The following SCHIP1 variants were observed in gnomAD, a reference collection of about 807,000 sequenced individuals.
SCHIP1 encodes schwannomin interacting protein 1.
In SCHIP1, 8 loss-of-function variants were observed where a neutral mutation model predicts 29.7. The ratio of observed to expected loss-of-function variants is 0.27; its 90% CI spans 0.16 to 0.49. The LOEUF (loss-of-function observed/expected upper bound fraction) is 0.49, where lower values mean the gene tolerates loss of function less well. Among genes scored for constraint, SCHIP1 ranks in the 20% least tolerant of loss-of-function variants. The pLI, the probability that SCHIP1 is intolerant of heterozygous loss-of-function variation, is 0.99. For missense variants in SCHIP1, 193 were observed against 294.6 expected (o/e 0.66, Z 2.52); for synonymous variants, 76 against 94.9 (o/e 0.80, Z 1.16).
the SCHIP1 span, among the ~76,000 whole-genome samples, chr3:159,461,569 A>C: frequency 2.0e-5 from 3 of 151,810 alleles, no homozygotes; most frequent in Admixed American, 6.6e-5. Context: ...TATATATACC[A>C]GACTCTTTTT....
At chr3:159,511,434 G>A in the SCHIP1 span, among the ~76,000 whole-genome samples, 5 of 152,106 alleles carry the variant, frequency 3.3e-5, no homozygotes, top group African/African-American at 1.2e-4. Flanking sequence ...GCAATGCCTC[G>A]CCCTGCTTCA....
At chr3:159,299,477 G>A in the SCHIP1 span, among the ~76,000 whole-genome samples, 1 of 152,172 alleles carries the variant, frequency 6.6e-6, no homozygotes, top group Admixed American at 6.5e-5. Flanking sequence ...TGAGGCAAGA[G>A]TAGAATCTGA....
the SCHIP1 span, among the ~76,000 whole-genome samples, chr3:159,376,952 T>A: frequency 6.6e-6 from 1 of 152,234 alleles, no homozygotes; most frequent in South Asian, 2.1e-4. Context: ...AAATGTGCTA[T>A]CTGATTAATT....
the SCHIP1 span, among the ~76,000 whole-genome samples, chr3:159,670,730 C>T: frequency 4.6e-5 from 7 of 151,784 alleles, no homozygotes; most frequent in African/African-American, 1.7e-4. Context: ...TTGCTTTCCT[C>T]TAAGAATTCT....
the SCHIP1 span, among the ~76,000 whole-genome samples, chr3:159,319,278 C>T: frequency 0.026 from 3,911 of 152,186 alleles, 167 homozygotes; most frequent in African/African-American, 0.09. Flanking sequence ...GAGATATGGA[C>T]ACTTCTCTGG....
the SCHIP1 span, among the ~76,000 whole-genome samples, chr3:159,646,951 G>C: frequency 6.6e-6 from 1 of 152,130 alleles, no homozygotes; most frequent in African/African-American, 2.4e-5. Context: ...CATCTAGTAA[G>C]GGAGCTGGAT....
chr3:159,705,462 T>C, the SCHIP1 span, among the ~76,000 whole-genome samples: 5 of 151,774 alleles, frequency 3.3e-5, no homozygotes, highest in African/African-American at 1.2e-4. Context: ...GATCATAACA[T>C]AGAAATAGAA....
At chr3:159,296,079 C>T in the SCHIP1 span, among the ~76,000 whole-genome samples, 5 of 151,110 alleles carry the variant, frequency 3.3e-5, no homozygotes, top group South Asian at 4.2e-4. Context: ...ATGTCATTCC[C>T]GAGAGAGGAG....
chr3:159,789,440 A>G, the SCHIP1 span, among the ~76,000 whole-genome samples: 1 of 152,226 alleles, frequency 6.6e-6, no homozygotes, highest in East Asian at 1.9e-4. Context: ...TTGACAAACA[A>G]CTGTGCACCA....
chr3:159,864,439 A>G (rs1714389079), intron 1 of SCHIP1, among the ~76,000 whole-genome samples: 1 of 150,468 alleles, frequency 6.6e-6, no homozygotes, highest in Non-Finnish European at 1.5e-5. Flanking sequence ...AAAAATCTGT[A>G]TAAAAGTAGT....
chr3:159,651,364 T>G, the SCHIP1 span, among the ~76,000 whole-genome samples: 1 of 152,200 alleles, frequency 6.6e-6, no homozygotes, highest in South Asian at 2.1e-4. Flanking sequence ...TAGTAAAGTT[T>G]ATCAGGTAAA....
chr3:159,701,589 A>G, the SCHIP1 span, among the ~76,000 whole-genome samples: 1 of 152,116 alleles, frequency 6.6e-6, no homozygotes, highest in African/African-American at 2.4e-5. Context: ...AAAAGAAAGC[A>G]TATTTTCTGT....
At chr3:159,783,586 G>A in the SCHIP1 span, among the ~76,000 whole-genome samples, 2 of 152,220 alleles carry the variant, frequency 1.3e-5, no homozygotes, top group Non-Finnish European at 2.9e-5. Context: ...GCTGCAAGGA[G>A]TTTAATAACA....
chr3:159,611,575 T>C, the SCHIP1 span, among the ~76,000 whole-genome samples: 1 of 151,990 alleles, frequency 6.6e-6, no homozygotes, highest in South Asian at 2.1e-4. Flanking sequence ...AAATACCTAA[T>C]GTATGCAGGG....
the SCHIP1 span, among the ~76,000 whole-genome samples, chr3:159,480,047 G>T: frequency 6.6e-6 from 1 of 152,116 alleles, no homozygotes; most frequent in East Asian, 1.9e-4. Context: ...TGACTCTGAA[G>T]CCCACCAGCC....
the SCHIP1 span, among the ~76,000 whole-genome samples, chr3:159,794,804 A>G: frequency 2.0e-5 from 3 of 152,204 alleles, no homozygotes; most frequent in Non-Finnish European, 4.4e-5. Context: ...GGTAGGTCTC[A>G]CCACAAAGAT....
the SCHIP1 span, among the ~76,000 whole-genome samples, chr3:159,466,226 A>G: frequency 1.3e-5 from 2 of 152,124 alleles, no homozygotes; most frequent in African/African-American, 2.4e-5. Flanking sequence ...GAGACTTTGT[A>G]GTCCCAGCTA....
At chr3:159,689,998 G>C in the SCHIP1 span, among the ~76,000 whole-genome samples, 2 of 152,192 alleles carry the variant, frequency 1.3e-5, no homozygotes, top group Non-Finnish European at 2.9e-5. Flanking sequence ...GATTCAGTTT[G>C]CCAGTATTTT....
upstream of SCHIP1, among the ~76,000 whole-genome samples, chr3:159,837,293 A>C (rs1025408670): frequency 9.2e-5 from 14 of 152,318 alleles, 1 homozygote; most frequent in Admixed American, 7.8e-4. Flanking sequence ...GTAAGGTTTT[A>C]ACTGCCTTTG....
Sources: allele counts gnomAD v4.1 joint callset (sites outside exome capture counted in the v4.1 genomes callset), GRCh38; gene constraint gnomAD v4.1.1; transcripts MANE v1.5; gene names NCBI Gene and HGNC (gene_info 2026-07-23, HGNC 2026-07-21).